Variants in SEMA5A observed in about 807,000 individuals in gnomAD.
SEMA5A encodes the protein semaphorin-5A.
Under a neutral mutation model 135.5 loss-of-function variants are expected in SEMA5A, and 55 were observed. The observed-to-expected ratio is 0.41, with a 90% CI of 0.33 to 0.51. The LOEUF (loss-of-function observed/expected upper bound fraction) is 0.51, where lower values mean the gene tolerates loss of function less well. SEMA5A is among the 20% of genes least tolerant of loss of function. SEMA5A has a pLI of 0.37. For synonymous variants in SEMA5A, 580 were observed against 546.5 expected (o/e 1.06, Z -0.85); for missense variants, 1,290 against 1,419.9 (o/e 0.91, Z 1.47).
chr5:9,402,017 C>T (rs1365741830), intron 2 of SEMA5A, among the ~76,000 whole-genome samples: 1 of 152,226 alleles, frequency 6.6e-6, no homozygotes, highest in Non-Finnish European at 1.5e-5. Context: ...GCTGTAACCA[C>T]ATGTTCACTA....
intron 18 of SEMA5A, 29 bp downstream of exon 18, chr5:9,062,858 A>G (rs1316200917): frequency 6.2e-7 from 1 of 1,611,266 alleles, no homozygotes; most frequent in Admixed American, 1.7e-5. Context: ...GAGTTTTCAG[A>G]TGTTTTGTAG....
intron 11 of SEMA5A, among the ~76,000 whole-genome samples, chr5:9,172,964 C>A (rs1390911854): frequency 6.6e-6 from 1 of 152,212 alleles, no homozygotes; most frequent in Non-Finnish European, 1.5e-5. Context: ...AACTTTCAAA[C>A]ATAGCTGAGC....
chr5:9,519,088 T>C (rs866105051), intron 1 of SEMA5A, among the ~76,000 whole-genome samples: 11 of 152,370 alleles, frequency 7.2e-5, no homozygotes, highest in African/African-American at 2.6e-4. Context: ...TCTCATTTTG[T>C]GTGTTTGTGG....
chr5:9,541,748 T>C (rs1165872834), intron 1 of SEMA5A, among the ~76,000 whole-genome samples: 1 of 152,214 alleles, frequency 6.6e-6, no homozygotes, highest in East Asian at 1.9e-4. Flanking sequence ...TTTTCTGTTT[T>C]CTTGATCCAC....
chr5:9,468,885 A>T (rs1331071621), intron 1 of SEMA5A, among the ~76,000 whole-genome samples: 16 of 152,188 alleles, frequency 1.1e-4, no homozygotes, highest in Admixed American at 1.0e-3. Context: ...CTACCGTCAC[A>T]TTGTTCTCCA....
At chr5:9,462,684 A>G (rs1236395694) in intron 1 of SEMA5A, among the ~76,000 whole-genome samples, 1 of 152,210 alleles carries the variant, frequency 6.6e-6, no homozygotes, top group African/African-American at 2.4e-5. Flanking sequence ...AGGAACATGG[A>G]TGGAGCTGGA....
chr5:9,318,554 A>G (rs1280396756), intron 4 of SEMA5A, 137 bp from the exon 5 acceptor site: 5 of 674,136 alleles, frequency 7.4e-6, no homozygotes, highest in Non-Finnish European at 9.9e-6. Context: ...GTTCAGCACT[A>G]CTTTCCTTGG....
intron 3 of SEMA5A, among the ~76,000 whole-genome samples, chr5:9,350,657 C>G (rs1266037650): frequency 6.6e-6 from 1 of 152,172 alleles, no homozygotes; most frequent in African/African-American, 2.4e-5. Context: ...GACACCAAGG[C>G]TACATTGCAT....
chr5:9,313,774 T>G (rs1287396341), intron 5 of SEMA5A, among the ~76,000 whole-genome samples: 1 of 152,170 alleles, frequency 6.6e-6, no homozygotes, highest in Non-Finnish European at 1.5e-5. Flanking sequence ...GCAGTCTTTT[T>G]CTTCAGGAAG....
chr5:9,043,657 T>A (rs142437439), intron 22 of SEMA5A, among the ~76,000 whole-genome samples: 253 of 152,358 alleles, frequency 1.7e-3, no homozygotes, highest in African/African-American at 5.8e-3. Context: ...AATGGCCATC[T>A]GTCCAGGGTT....
chr5:9,142,825 A>G (rs967436800), intron 12 of SEMA5A, among the ~76,000 whole-genome samples: 1 of 152,212 alleles, frequency 6.6e-6, no homozygotes, highest in Admixed American at 6.5e-5. Context: ...TTAACCGGGC[A>G]TGATGGCACA....
intron 1 of SEMA5A, among the ~76,000 whole-genome samples, chr5:9,445,248 G>A (rs941026261): frequency 5.9e-5 from 9 of 151,974 alleles, no homozygotes; most frequent in African/African-American, 1.9e-4. Context: ...CTTTGGAATC[G>A]CTTTTCCCCA....
At chr5:9,202,589 C>A (rs986690831) in intron 8 of SEMA5A, among the ~76,000 whole-genome samples, 1 of 152,192 alleles carries the variant, frequency 6.6e-6, no homozygotes, top group Non-Finnish European at 1.5e-5. Flanking sequence ...CAAATTCTTA[C>A]ATAACCTTCA....
intron 12 of SEMA5A, among the ~76,000 whole-genome samples, chr5:9,144,118 A>G (rs1364516185): frequency 6.6e-6 from 1 of 152,190 alleles, no homozygotes; most frequent in Non-Finnish European, 1.5e-5. Context: ...AACCCACACC[A>G]TTGGTATTCC....
At chr5:9,255,550 T>G (rs1749022911) in intron 5 of SEMA5A, among the ~76,000 whole-genome samples, 1 of 152,164 alleles carries the variant, frequency 6.6e-6, no homozygotes, top group South Asian at 2.1e-4. Flanking sequence ...ATCTAAGCAT[T>G]CCTTCTGGGA....
intron 6 of SEMA5A, among the ~76,000 whole-genome samples, chr5:9,230,729 G>A (rs1015308598): frequency 6.6e-6 from 1 of 151,994 alleles, no homozygotes. Flanking sequence ...GAACCCAGAG[G>A]AGCCTGTGGC....
At chr5:9,468,586 TG>T (rs1759351726) in intron 1 of SEMA5A, among the ~76,000 whole-genome samples, 2 of 152,290 alleles carry the variant, frequency 1.3e-5, no homozygotes, top group South Asian at 4.1e-4. Flanking sequence ...TGGTAACACT[TG>T]GGGGTGTGTC....
intron 2 of SEMA5A, among the ~76,000 whole-genome samples, chr5:9,399,134 A>C (rs1756536131): frequency 6.6e-6 from 1 of 152,226 alleles, no homozygotes; most frequent in Non-Finnish European, 1.5e-5. Flanking sequence ...TTCACATAAA[A>C]CTTGTACATG....
intron 2 of SEMA5A, among the ~76,000 whole-genome samples, chr5:9,394,496 T>C (rs1204724300): frequency 6.6e-6 from 1 of 152,188 alleles, no homozygotes; most frequent in African/African-American, 2.4e-5. Flanking sequence ...TGCTTGTTAC[T>C]GTGGCCACTC....
Sources: gnomAD v4.1 joint callset for allele counts (sites outside exome capture counted in the v4.1 genomes callset) on GRCh38, gnomAD v4.1.1 for gene constraint, MANE v1.5 for transcripts, NCBI Gene and HGNC (gene_info 2026-07-23, HGNC 2026-07-21) for gene names.